ITPKB: variants seen among roughly 807,000 people sequenced by gnomAD.
The protein encoded by ITPKB is IP3 3-kinase B.
In ITPKB, 13 loss-of-function variants were observed where a neutral mutation model predicts 69.4. The observed-to-expected ratio is 0.19, with a 90% CI of 0.12 to 0.30. The LOEUF (loss-of-function observed/expected upper bound fraction) is 0.30. Among genes scored for constraint, ITPKB ranks in the 10% least tolerant of loss-of-function variants. The pLI is 1.00. For synonymous variants in ITPKB, 584 were observed against 513.7 expected (o/e 1.14, Z -1.85); for missense variants, 1,240 against 1,250.5 (o/e 0.99, Z 0.13).
chr1:226,690,106 G>T (rs976935583), intron 2 of ITPKB, among the ~76,000 whole-genome samples: 1 of 152,152 alleles, frequency 6.6e-6, no homozygotes, highest in African/African-American at 2.4e-5. Context: ...ATAATAAAAT[G>T]ATTTATATTC....
rs1255347437 is a variant in ITPKB, at chr1:226,637,595, T to A, written c.2625+84A>T. ...GCTGCACCACCCTGAAAATGCCCGA[T>A]GCCCCGGGCTTCTGGAAGGAGAAGG... On this transcript the variant is annotated intron_variant, in intron 7 of 7. Coordinates refer to ENST00000429204, the MANE Select transcript of ITPKB (RefSeq NM_002221.4). This position sits in a 1 kb window ranked among gnomAD's most constrained non-coding sequence, Gnocchi z 4.3. 1 of 1,089,996 alleles carries A rather than the reference T, an allele frequency of 9.2e-7. No individual in the cohort carries two copies. Among genetic ancestry groups the A allele is most frequent in the Admixed American group, 1.9e-5 (1 of 53,496 alleles). 67.5% of individuals were successfully genotyped at this position (1,089,996 alleles called of 1,614,324 possible).
intron 2 of ITPKB, among the ~76,000 whole-genome samples, chr1:226,710,282 G>A (rs910057044): frequency 3.3e-5 from 5 of 152,136 alleles, no homozygotes; most frequent in Non-Finnish European, 5.9e-5. Context: ...TTAGAAACGG[G>A]AGACAGAAAA....
rs1558299957 is a variant in ITPKB at position 226,641,462 on chromosome 1, A to G, written c.2451+459T>C. 6.6e-6 allele frequency among the ~76,000 whole-genome samples: 1 copy of G among 152,258 alleles called. No individual in the cohort carries two copies. Reference sequence around the variant, plus strand: ...CCAATAAATATTTTAAAATTTCCAAAAAAAGATCGAAGAGCAAAGCAGAGA... The same window carrying G: ...CCAATAAATATTTTAAAATTTCCAAGAAAAGATCGAAGAGCAAAGCAGAGA... On this transcript the variant is annotated intron_variant, in intron 5 of 7. Transcript: ENST00000429204. The surrounding 1 kb of genome is among the most constrained non-coding windows in gnomAD (Gnocchi z 4.6).
At chr1:226,654,742 C>T (rs374010968) in intron 2 of ITPKB, among the ~76,000 whole-genome samples, 79 of 152,332 alleles carry the variant, frequency 5.2e-4, no homozygotes, top group Non-Finnish European at 9.6e-4. Context: ...TCCTGGGTGA[C>T]GCCATCCTCC....
At position 226,735,581 on chromosome 1, in the gene ITPKB, G is replaced by C. The variant is rs188607402; in HGVS notation, c.1878C>G (p.Thr626=). The change falls in exon 2 of 8, where the codon ACC becomes ACG. Residue 626 remains threonine (T), a synonymous_variant. Transcript: ENST00000429204. ...GCAGGAAGGCTGAGTTGGGGTCCAG[G>C]GTGCGCTCAGGGTCACTGGAGATGT... The part of the protein sequence containing the change: ...EEDISSDPER[T]LDPNSAFLHT... 5 of 1,578,462 alleles carry C rather than the reference G, an allele frequency of 3.2e-6. No individual in the cohort carries two copies. The highest frequency in any genetic ancestry group is 4.3e-6 in the Non-Finnish European group (5 of 1,162,902).
rs534663523 is a variant in ITPKB, at chr1:226,736,844, C to T, written c.615G>A (p.Trp205Ter). 1 of 1,612,380 alleles carries T rather than the reference C, an allele frequency of 6.2e-7. No homozygotes were observed. Among genetic ancestry groups the T allele is most frequent in the Non-Finnish European group, 8.5e-7 (1 of 1,180,022 alleles). ...ARSEERRTKS[W>*]GEQCPETSGT... Reference sequence around the variant, plus strand: ...CTGAAGTCTCTGGACATTGCTCCCCCCAGGACTTTGTCCTCCGTTCCTCGC... The same window carrying T: ...CTGAAGTCTCTGGACATTGCTCCCCTCAGGACTTTGTCCTCCGTTCCTCGC... Residue 205 changes from tryptophan to a stop codon, truncating the protein, a stop_gained, in exon 2 of 8, where the codon TGG becomes TGA. Coordinates refer to ENST00000429204, the MANE Select transcript of ITPKB (RefSeq NM_002221.4). LOFTEE classifies it high-confidence loss of function.
chr1:226,657,858 C>G (rs1374221462), intron 2 of ITPKB, among the ~76,000 whole-genome samples: 2 of 152,206 alleles, frequency 1.3e-5, no homozygotes, highest in Admixed American at 6.5e-5. Context: ...CTGCTTCCCC[C>G]CTATTTATAA....
intron 2 of ITPKB, among the ~76,000 whole-genome samples, chr1:226,686,327 G>C (rs939671215): frequency 1.3e-5 from 2 of 152,228 alleles, no homozygotes; most frequent in Admixed American, 6.5e-5. Flanking sequence ...GTCTAGTATA[G>C]ATTGAAAGGG....
chr1:226,716,994 A>C (rs1657112462), intron 2 of ITPKB, among the ~76,000 whole-genome samples: 1 of 152,256 alleles, frequency 6.6e-6, no homozygotes, highest in Admixed American at 6.5e-5. Context: ...CCGAGGGAGA[A>C]ATAACCATGC....
At chr1:226,732,642 A>C (rs1657626224) in intron 2 of ITPKB, among the ~76,000 whole-genome samples, 1 of 152,028 alleles carries the variant, frequency 6.6e-6, no homozygotes, top group African/African-American at 2.4e-5. Context: ...TCTTAATACA[A>C]CATTTTAAGC....
intron 2 of ITPKB, among the ~76,000 whole-genome samples, chr1:226,709,219 AAAC>A (rs1289641745): frequency 1.3e-5 from 2 of 152,358 alleles, no homozygotes; most frequent in South Asian, 2.1e-4. Flanking sequence ...GATTTTAGAT[AAAC>A]AACAAGTGAC....
At chr1:226,685,375 C>G (rs3754400) in intron 2 of ITPKB, among the ~76,000 whole-genome samples, 2 of 152,224 alleles carry the variant, frequency 1.3e-5, no homozygotes, top group Non-Finnish European at 1.5e-5. Context: ...TCACCATTTC[C>G]CGGTCCCGCC....
rs1313846865 is a variant in ITPKB, at chr1:226,637,662, A to G, written c.2625+17T>C. 6.2e-7 allele frequency: 1 copy of G among 1,600,762 alleles called. No individual in the cohort carries two copies. The highest frequency in any genetic ancestry group is 2.2e-5 in the East Asian group (1 of 44,824). ...CGCGCAGCATTCTGCTCAAGAGGGC[A>G]AAAGCCCAGTATCTACCTCGTGGCA... On this transcript the variant is annotated intron_variant, in intron 7 of 7. Coordinates refer to ENST00000429204, the MANE Select transcript of ITPKB (RefSeq NM_002221.4). The surrounding 1 kb of genome is among the most constrained non-coding windows in gnomAD (Gnocchi z 4.3).
At chr1:226,690,085 C>T (rs1656312450) in intron 2 of ITPKB, among the ~76,000 whole-genome samples, 1 of 152,138 alleles carries the variant, frequency 6.6e-6, no homozygotes, top group African/African-American at 2.4e-5. Context: ...CATAAACATG[C>T]ATGTGTCTTT....
At chr1:226,668,053 T>C (rs933953704) in intron 2 of ITPKB, among the ~76,000 whole-genome samples, 1 of 152,138 alleles carries the variant, frequency 6.6e-6, no homozygotes, top group African/African-American at 2.4e-5. Flanking sequence ...AAATTGTCTG[T>C]AAGGAATTTA....
intron 2 of ITPKB, among the ~76,000 whole-genome samples, chr1:226,696,201 T>C (rs1228698423): frequency 6.6e-6 from 1 of 152,206 alleles, no homozygotes; most frequent in Non-Finnish European, 1.5e-5. Context: ...CACTAAGCCT[T>C]AGTTTCCACA....
intron 2 of ITPKB, chr1:226,707,921 G>T: frequency 7.5e-7 from 1 of 1,331,732 alleles, no homozygotes; most frequent in African/African-American, 1.5e-5. Context: ...AGTCACTAAA[G>T]GGAGAAGAAA....
chr1:226,707,192 T>A (rs746613862), intron 2 of ITPKB: 2 of 572,506 alleles, frequency 3.5e-6, no homozygotes, highest in Non-Finnish European at 4.4e-6. Context: ...TTTTTTTATT[T>A]TTTATTTATT....
At chr1:226,656,955 T>TA (rs1299578152) in intron 2 of ITPKB, 4 of 152,250 alleles carry the variant, frequency 2.6e-5, no homozygotes, top group African/African-American at 9.6e-5. Flanking sequence ...TCTATTTTCT[T>TA]AAATTGAAAT....
Sources: allele counts gnomAD v4.1 joint callset (sites outside exome capture counted in the v4.1 genomes callset), GRCh38; gene constraint gnomAD v4.1.1; non-coding constraint Gnocchi (gnomAD v3.1); transcripts MANE v1.5; gene names NCBI Gene and HGNC (gene_info 2026-07-23, HGNC 2026-07-21).